BCR: variants seen among roughly 807,000 people sequenced by gnomAD.
The protein encoded by BCR is breakpoint cluster region protein.
A neutral mutation model predicts 138.6 loss-of-function variants in BCR; 58 were observed. The ratio of observed to expected loss-of-function variants is 0.42; its 90% CI spans 0.34 to 0.52. BCR has a LOEUF of 0.52. Ranked by LOEUF, BCR falls within the 20% of genes least tolerant of loss-of-function variation. The pLI is 0.06. For synonymous variants in BCR, 786 were observed against 730.1 expected (o/e 1.08, Z -1.23); for missense variants, 1,599 against 1,727.2 (o/e 0.93, Z 1.32).
chr22:23,183,588 T>C (rs1194116473), intron 1 of BCR, among the ~76,000 whole-genome samples: 1 of 152,244 alleles, frequency 6.6e-6, no homozygotes, highest in Non-Finnish European at 1.5e-5. Context: ...GAAGCCTGCT[T>C]TGCAGGCACA....
chr22:23,311,988 G>A, intron 19 of BCR, 152 bp downstream of exon 19: 1 of 1,403,246 alleles, frequency 7.1e-7, no homozygotes, highest in Non-Finnish European at 9.5e-7. Context: ...GAGAAGACAA[G>A]AGTTGTAGAA....
At chr22:23,291,714 C>T (rs557716926) in intron 14 of BCR, among the ~76,000 whole-genome samples, 91 of 152,266 alleles carry the variant, frequency 6.0e-4, no homozygotes, top group African/African-American at 2.1e-3. Flanking sequence ...AAACTTGTTC[C>T]TCTTATGTCC....
chr22:23,311,825 C>G lies in BCR; in HGVS notation c.3311C>G (p.Ala1104Gly), dbSNP rs11558696. 1.9e-6 allele frequency: 3 copies of G among 1,611,670 alleles called. No homozygotes were observed. Among genetic ancestry groups the G allele is most frequent in the Admixed American group, 1.7e-5 (1 of 60,010 alleles). The change falls in exon 19 of 23, where the codon GCC becomes GGC. Residue 1104 changes from alanine to glycine, a missense_variant. This residue lies in a region of BCR where 177 missense variants were observed against 226.4 expected (regional missense o/e 0.78). Coordinates refer to ENST00000305877, the MANE Select transcript of BCR (RefSeq NM_004327.4). ...VATDIQALKA[A>G]FDVNNKDVSV... ...ACGGACATCCAGGCACTGAAGGCAG[C>G]CTTCGACGTCAGTGAGTGTTGGCCT...
intron 1 of BCR, among the ~76,000 whole-genome samples, chr22:23,214,698 C>A (rs1009902368): frequency 1.8e-4 from 28 of 152,344 alleles, no homozygotes; most frequent in Non-Finnish European, 2.1e-4. Flanking sequence ...GCACCATTTC[C>A]TTCTCAGAGC....
At chr22:23,250,901 G>A (rs2073218282) in intron 1 of BCR, 1 of 152,182 alleles carries the variant, frequency 6.6e-6, no homozygotes, top group South Asian at 2.1e-4. Flanking sequence ...CAGAGAGGTA[G>A]CAATGGGGAG....
intron 1 of BCR, among the ~76,000 whole-genome samples, chr22:23,247,125 C>T (rs918795041): frequency 3.3e-5 from 5 of 152,128 alleles, no homozygotes; most frequent in African/African-American, 9.7e-5. Flanking sequence ...TTGTAGAAGT[C>T]GCTGGCACCA....
intron 2 of BCR, chr22:23,254,630 C>G: frequency 1.9e-6 from 1 of 517,794 alleles, no homozygotes; most frequent in Non-Finnish European, 3.9e-6. Context: ...CTGGACCGCC[C>G]GGCCCTGCAT....
chr22:23,245,148 G>T (rs536024947), intron 1 of BCR, among the ~76,000 whole-genome samples: 35 of 152,328 alleles, frequency 2.3e-4, no homozygotes, highest in Non-Finnish European at 4.4e-4. Context: ...AGCTGTCAGG[G>T]CTGGTCGTGT....
At position 23,289,633 on chromosome 22, in the gene BCR, C is replaced by G. The variant is rs769101469; in HGVS notation, c.2707+12C>G. The G allele has an allele frequency of 1.2e-6, 2 of 1,608,770 alleles. No individual in the cohort carries two copies. Among genetic ancestry groups the G allele is most frequent in the African/African-American group, 2.7e-5 (2 of 74,762 alleles). Reference sequence around the variant, plus strand: ...CATCAATAAGGAAGGTGGGCCCCCCCGTTTCCGTGTACAGGGCACCTGCAG... The same window carrying G: ...CATCAATAAGGAAGGTGGGCCCCCCGGTTTCCGTGTACAGGGCACCTGCAG... On this transcript the variant is annotated intron_variant, in intron 13 of 22. Transcript: ENST00000305877.
intron 8 of BCR, among the ~76,000 whole-genome samples, chr22:23,278,000 G>A (rs561395306): frequency 6.6e-5 from 10 of 152,212 alleles, no homozygotes; most frequent in East Asian, 1.9e-4. Flanking sequence ...AAAGGATCCC[G>A]CAGGCACAGT....
intron 16 of BCR, among the ~76,000 whole-genome samples, chr22:23,303,021 G>A (rs1448729028): frequency 1.4e-5 from 2 of 147,432 alleles, no homozygotes; most frequent in Non-Finnish European, 3.0e-5. Context: ...CGTCAAGGCT[G>A]CATGGCCCCC....
chr22:23,290,660 C>G, intron 14 of BCR: 1 of 515,900 alleles, frequency 1.9e-6, no homozygotes, highest in South Asian at 2.1e-5. Flanking sequence ...GAGCTGCCCC[C>G]TGCAGGTGGA....
At chr22:23,263,364 G>C in intron 4 of BCR, 3 of 1,216,360 alleles carry the variant, frequency 2.5e-6, no homozygotes, top group Non-Finnish European at 3.6e-6. Context: ...GCTCAACTCC[G>C]GCTTCACGCG....
chr22:23,228,175 TA>T (rs1219914939), intron 1 of BCR, among the ~76,000 whole-genome samples: 7 of 152,294 alleles, frequency 4.6e-5, no homozygotes, highest in African/African-American at 1.4e-4. Context: ...GTTCATCTTT[TA>T]AAAAAAATTT....
At chr22:23,253,599 A>G (rs2146267323) in intron 1 of BCR, among the ~76,000 whole-genome samples, 200 bp from the exon 2 acceptor site, 1 of 152,280 alleles carries the variant, frequency 6.6e-6, no homozygotes, top group Non-Finnish European at 1.5e-5. Flanking sequence ...TGTATTGTCT[A>G]GGGAGTGAGC....
rs752427251 is a variant in BCR at position 23,260,943 on chromosome 22, C to T, written c.1462-7C>T. On this transcript the variant is annotated splice_region_variant and splice_polypyrimidine_tract_variant and intron_variant, in intron 2 of 22. Coordinates refer to ENST00000305877, the MANE Select transcript of BCR (RefSeq NM_004327.4). ...TCCAGGCTGACTTCTGTCTATTTCT[C>T]CTGCAGAGTGAGCTGGACTTGGAAA... 6.2e-6 allele frequency: 10 copies of T among 1,613,168 alleles called. No homozygotes were observed. In the Admixed American group the frequency reaches 1.3e-4, roughly 22 times the overall value.
chr22:23,225,846 C>T (rs1268294281), intron 1 of BCR, among the ~76,000 whole-genome samples: 1 of 152,234 alleles, frequency 6.6e-6, no homozygotes, highest in Non-Finnish European at 1.5e-5. Context: ...TCATTTCGCA[C>T]AGTCAGTGCA....
intron 9 of BCR, among the ~76,000 whole-genome samples, 154 bp downstream of exon 9, chr22:23,284,252 A>G (rs1271046373): frequency 6.6e-6 from 1 of 151,942 alleles, no homozygotes; most frequent in Non-Finnish European, 1.5e-5. Flanking sequence ...AAAGATTGTC[A>G]CTAGCAATCT....
intron 21 of BCR, among the ~76,000 whole-genome samples, 164 bp from the exon 22 acceptor site, chr22:23,314,388 T>A (rs2074043471): frequency 6.6e-6 from 1 of 152,148 alleles, no homozygotes; most frequent in Admixed American, 6.5e-5. Flanking sequence ...GCTGGCTCCT[T>A]GTCCTGGGCC....
Sources: allele counts gnomAD v4.1 joint callset (sites outside exome capture counted in the v4.1 genomes callset), GRCh38; gene constraint gnomAD v4.1.1; regional missense constraint gnomAD v4.1.1; transcripts MANE v1.5; gene names NCBI Gene and HGNC (gene_info 2026-07-23, HGNC 2026-07-21).